The following SHROOM3 variants were observed in gnomAD, a reference collection of about 807,000 sequenced individuals.
SHROOM3 encodes the protein shroom family member 3.
In SHROOM3, 47 loss-of-function variants were observed where a neutral mutation model predicts 138.6. The ratio of observed to expected loss-of-function variants is 0.34; its 90% confidence interval spans 0.27 to 0.43. The LOEUF (loss-of-function observed/expected upper bound fraction) is 0.43. SHROOM3 is among the 20% of genes least tolerant of loss of function. The probability of loss-of-function intolerance (pLI) is 1.00; values close to 1 mark genes in which losing one functional copy is unlikely to be tolerated. For missense variants in SHROOM3, 2,491 were observed against 2,596.5 expected (o/e 0.96, Z 0.88); for synonymous variants, 1,062 against 1,063.3 (o/e 1.00, Z 0.02).
intron 1 of SHROOM3, among the ~76,000 whole-genome samples, chr4:76,554,177 CTACAATGTCA>C (rs1033985277): frequency 1.2e-4 from 19 of 152,202 alleles, no homozygotes; most frequent in African/African-American, 4.6e-4. Flanking sequence ...TTTGCCTTTC[CTACAATGTCA>C]TACACTTGAA....
At chr4:76,767,844 A>G (rs1287003814) in intron 9 of SHROOM3, among the ~76,000 whole-genome samples, 3 of 152,206 alleles carry the variant, frequency 2.0e-5, no homozygotes, top group African/African-American at 7.2e-5. Flanking sequence ...ATAATGAAAA[A>G]CAGGCTGAAA....
In SHROOM3 at chr4:76,605,913, TTC is replaced by T. The variant is rs1287814722; in HGVS notation, c.323+50170_323+50171del. On this transcript the variant is annotated intron_variant, in intron 2 of 10. Transcript: ENST00000296043. ...CCAAAAATGTATTAAAGGCACAATT[TTC>T]TCTCTCTCTCTCTCTCTCTATATAT... Among the ~76,000 whole-genome samples, 149 of 141,790 alleles carry T rather than the reference TTC, an allele frequency of 1.1e-3. 2 individuals are homozygous for T. The highest frequency in any genetic ancestry group is 9.8e-3 in the South Asian group (44 of 4,494). The allele number at this position is 141,790 out of a possible 152,430, so 93.0% of individuals were successfully genotyped here. A position where few individuals can be genotyped will look rare whatever the true frequency, so the allele number is the denominator to read the frequency against.
intron 1 of SHROOM3, among the ~76,000 whole-genome samples, chr4:76,517,204 T>C (rs1470857329): frequency 6.6e-6 from 1 of 152,214 alleles, no homozygotes; most frequent in Non-Finnish European, 1.5e-5. Flanking sequence ...CCAGAGGCCC[T>C]GGTGAGAAAG....
At chr4:76,731,906 G>A (rs1578002071) in intron 4 of SHROOM3, among the ~76,000 whole-genome samples, 2 of 152,302 alleles carry the variant, frequency 1.3e-5, no homozygotes, top group Middle Eastern at 6.8e-3. Flanking sequence ...GCTGCTGCAT[G>A]TAATCAGTAG....
intron 2 of SHROOM3, among the ~76,000 whole-genome samples, chr4:76,616,369 C>T (rs938053975): frequency 1.3e-5 from 2 of 152,102 alleles, no homozygotes; most frequent in South Asian, 2.1e-4. Context: ...ATGTTCATAG[C>T]AGCATTATTC....
intron 9 of SHROOM3, among the ~76,000 whole-genome samples, chr4:76,768,564 A>G (rs113009524): frequency 0.059 from 9,009 of 152,266 alleles, 289 homozygotes; most frequent in Non-Finnish European, 0.071. Flanking sequence ...AGGCTGGAGT[A>G]CAGTGGTGTG....
intron 2 of SHROOM3, among the ~76,000 whole-genome samples, chr4:76,577,509 G>A (rs1733966260): frequency 6.6e-6 from 1 of 152,188 alleles, no homozygotes; most frequent in African/African-American, 2.4e-5. Context: ...TGGTGGGGCT[G>A]TAGACCAATA....
chr4:76,779,356 C>A lies in SHROOM3; in HGVS notation c.*179C>A. On this transcript the variant is annotated 3_prime_UTR_variant, in exon 11 of 11. Transcript: ENST00000296043. ...TTCCTTCTTGCCCTTCCTGATTGAT[C>A]TTCTGAGAGCTCGAATGCTGCTGGA... 1.4e-6 allele frequency: 1 copy of A among 721,288 alleles called. No homozygotes were observed. Among genetic ancestry groups the A allele is most frequent in the Non-Finnish European group, 2.2e-6 (1 of 452,866 alleles). The allele number at this position is 721,288 out of a possible 1,614,324, so 44.7% of individuals were successfully genotyped here.
Position 76,741,279 on chromosome 4 carries a change from G to A in SHROOM3, c.3106G>A (p.Glu1036Lys). Residue 1036 changes from glutamate to lysine, a missense_variant, in exon 5 of 11, where the codon GAA becomes AAA. By Grantham distance (56) the Glu-to-Lys change is moderately conservative. Coordinates refer to ENST00000296043, the MANE Select transcript of SHROOM3 (RefSeq NM_020859.4). The surrounding 1 kb of genome is among the most constrained non-coding windows in gnomAD (Gnocchi z 6.2). ...CGAGGTGGGGATCGTGGAGGAGGCC[G>A]AACCGGCACCCCTGGGCCCGCAGAG... is the stretch of plus-strand genomic sequence containing the variant. ...MNEVGIVEEA[E>K]PAPLGPQRNG... The A allele has an allele frequency of 1.2e-6, 2 of 1,612,006 alleles. No individual in the cohort carries two copies. The highest frequency in any genetic ancestry group is 2.2e-5 in the East Asian group (1 of 44,844).
intron 2 of SHROOM3, among the ~76,000 whole-genome samples, chr4:76,628,216 A>T (rs891790543): frequency 1.3e-5 from 2 of 152,250 alleles, no homozygotes; most frequent in Admixed American, 6.5e-5. Flanking sequence ...CCAGGAAGGG[A>T]TCTTAGATCT....
chr4:76,551,763 G>T (rs1189699357), intron 1 of SHROOM3, among the ~76,000 whole-genome samples: 16 of 152,060 alleles, frequency 1.1e-4, no homozygotes, highest in Non-Finnish European at 5.9e-5. Flanking sequence ...ACAGCAGCAA[G>T]TTCAAGCAGT....
intron 1 of SHROOM3, among the ~76,000 whole-genome samples, chr4:76,506,091 G>A (rs2110002150): frequency 6.6e-6 from 1 of 152,272 alleles, no homozygotes; most frequent in Non-Finnish European, 1.5e-5. Flanking sequence ...GGATGAAGCT[G>A]GAAACCATCA....
chr4:76,677,674 T>C (rs1719079041), intron 2 of SHROOM3, among the ~76,000 whole-genome samples: 1 of 152,218 alleles, frequency 6.6e-6, no homozygotes, highest in Admixed American at 6.5e-5. Context: ...CAGGACTCTG[T>C]TATCTTCTTG....
intron 2 of SHROOM3, among the ~76,000 whole-genome samples, chr4:76,674,896 C>G (rs1166973348): frequency 3.3e-5 from 5 of 152,112 alleles, no homozygotes; most frequent in African/African-American, 1.2e-4. Flanking sequence ...TCTCCCCACT[C>G]ATCCTCCCCA....
intron 2 of SHROOM3, among the ~76,000 whole-genome samples, chr4:76,630,045 T>G (rs1028692225): frequency 1.3e-5 from 2 of 151,486 alleles, no homozygotes; most frequent in Non-Finnish European, 1.5e-5. Context: ...CTGGCCAAGT[T>G]GATCTTGACT....
intron 2 of SHROOM3, among the ~76,000 whole-genome samples, chr4:76,557,574 T>C (rs1455335192): frequency 1.3e-5 from 2 of 152,120 alleles, no homozygotes; most frequent in Non-Finnish European, 2.9e-5. Flanking sequence ...AATACTGTAT[T>C]GTTTACTTAA....
rs138671402 is a variant in SHROOM3 at position 76,536,456 on chromosome 4, C to T, written c.169-19153C>T. 1.2e-4 allele frequency among the ~76,000 whole-genome samples: 19 copies of T among 152,132 alleles called. No homozygotes were observed. In the East Asian group the frequency reaches 2.7e-3, roughly 22 times the overall value. On this transcript the variant is annotated intron_variant, in intron 1 of 10. Coordinates refer to ENST00000296043, the MANE Select transcript of SHROOM3 (RefSeq NM_020859.4). ...TTTTGTAATAGGCATTCATTCCCAG[C>T]GAAATCTTAACTAAATAGGAGGCTG...
chr4:76,771,966 C>T (rs1405312672), intron 10 of SHROOM3, among the ~76,000 whole-genome samples: 2 of 152,100 alleles, frequency 1.3e-5, no homozygotes, highest in Non-Finnish European at 2.9e-5. Flanking sequence ...GAACAACAAA[C>T]AGTAGACACA....
intron 2 of SHROOM3, chr4:76,689,658 G>T (rs953980137): frequency 2.3e-5 from 23 of 985,366 alleles, no homozygotes; most frequent in Middle Eastern, 5.2e-4. Flanking sequence ...TCGGCCTGGA[G>T]CCCCGAGCAG....
Sources: gnomAD v4.1 joint callset for allele counts (sites outside exome capture counted in the v4.1 genomes callset) on GRCh38, gnomAD v4.1.1 for gene constraint, Gnocchi (gnomAD v3.1) non-coding constraint, MANE v1.5 for transcripts, NCBI Gene and HGNC (gene_info 2026-07-23, HGNC 2026-07-21) for gene names.